The following FAT1 variants were observed in gnomAD, a reference collection of about 807,000 sequenced individuals.
The protein encoded by FAT1 is protocadherin Fat 1.
FAT1 carries 171 observed loss-of-function variants against 329.8 expected under a neutral mutation model. That is an observed-to-expected ratio of 0.52 (90% CI 0.46 to 0.59). The LOEUF is 0.59. Among genes scored for constraint, FAT1 ranks in the 20% least tolerant of loss-of-function variants. The pLI is 0.00. For missense variants in FAT1, 5,672 were observed against 5,774.4 expected (o/e 0.98, Z 0.57); for synonymous variants, 2,233 against 2,228.6 (o/e 1.00, Z -0.06).
chr4:186,594,097 G>A (rs1309174045), intron 26 of FAT1, among the ~76,000 whole-genome samples: 7 of 151,236 alleles, frequency 4.6e-5, no homozygotes, highest in Non-Finnish European at 8.8e-5. Flanking sequence ...ACAGAGTCTC[G>A]CTCTGTCGCC....
chr4:186,594,675 AGTATAT>A (rs1560915873), intron 26 of FAT1, among the ~76,000 whole-genome samples: 1 of 78,228 alleles, frequency 1.3e-5, no homozygotes, highest in Non-Finnish European at 2.4e-5. Flanking sequence ...TATACTTGAA[AGTATAT>A]ATATATATAT....
At chr4:186,684,908 C>T (rs1733831280) in intron 2 of FAT1, among the ~76,000 whole-genome samples, 1 of 152,182 alleles carries the variant, frequency 6.6e-6, no homozygotes, top group Non-Finnish European at 1.5e-5. Context: ...TCGGCAACTC[C>T]TTTTATGCCA....
rs145611942 is a variant in FAT1 at position 186,608,610 on chromosome 4, T to C, written c.10206+573A>G. The stretch of plus-strand genomic sequence containing the variant: ...ACTTCACGAATGCAGAATCTGCAGA[T>C]AGAGGGGAGCAACTGACCTTCCTCA... On this transcript the variant is annotated intron_variant, in intron 16 of 26. Transcript: ENST00000441802. 1.3e-4 allele frequency among the ~76,000 whole-genome samples: 20 copies of C among 152,300 alleles called. No homozygotes were observed. In the East Asian group the frequency reaches 3.7e-3, roughly 28 times the overall value.
At chr4:186,678,761 T>C (rs1276628786) in intron 2 of FAT1, among the ~76,000 whole-genome samples, 1 of 151,958 alleles carries the variant, frequency 6.6e-6, no homozygotes, top group Non-Finnish European at 1.5e-5. Context: ...GTAAATTAGT[T>C]CAACCATTGG....
At chr4:186,615,797 A>C (rs1310921027) in intron 11 of FAT1, among the ~76,000 whole-genome samples, 1 of 152,020 alleles carries the variant, frequency 6.6e-6, no homozygotes, top group Non-Finnish European at 1.5e-5. Flanking sequence ...TATCCTCTCA[A>C]ATGAAGTCAA....
intron 2 of FAT1, among the ~76,000 whole-genome samples, chr4:186,691,721 T>C (rs1743771165): frequency 6.6e-6 from 1 of 152,084 alleles, no homozygotes; most frequent in Admixed American, 6.6e-5. Flanking sequence ...GGTGGGAGGA[T>C]TGCTTGAGCC....
At chr4:186,723,582 G>C (rs1308663021) in intron 1 of FAT1, 82 bp downstream of exon 1, 1 of 152,158 alleles carries the variant, frequency 6.6e-6, no homozygotes, top group South Asian at 2.1e-4. Flanking sequence ...GCCGGGGACC[G>C]GGCGGACACC....
At position 186,597,055 on chromosome 4, in the gene FAT1, C is replaced by A; in HGVS notation, c.12485G>T (p.Cys4162Phe). The A allele has an allele frequency of 6.2e-7, 1 of 1,614,030 alleles. No individual in the cohort carries two copies. ...ATACTGGTTGGGCGCAGCATCCTCG[C>A]AGTGACGTCCCCTGTACTCGTGGCT... ...NCSHEYRGRH[C>F]EDAAPNQYVS... The change falls in exon 25 of 27, where the codon TGC (cysteine) becomes TTC (phenylalanine). Residue 4162 changes from cysteine to phenylalanine, a missense_variant. Transcript: ENST00000441802.
At position 186,601,311 on chromosome 4, in the gene FAT1, C is replaced by A; in HGVS notation, c.11598G>T (p.Ala3866=). The change falls in exon 21 of 27, where the codon GCG becomes GCT. Residue 3866 remains alanine (A), a synonymous_variant. Coordinates refer to ENST00000441802, the MANE Select transcript of FAT1 (RefSeq NM_005245.4). ...CAGTTCCTCGAGCATACATGACAACCGCATGCGTGGAATATGTTCTGAGCC... is the reference window on the plus strand; with the variant it reads ...CAGTTCCTCGAGCATACATGACAACAGCATGCGTGGAATATGTTCTGAGCC... The part of the protein sequence containing the change: ...TMRLRTYSTH[A]VVMYARGTDY... 1 of 1,611,294 alleles carries A rather than the reference C, an allele frequency of 6.2e-7. No individual in the cohort carries two copies. Among genetic ancestry groups the A allele is most frequent in the Non-Finnish European group, 8.5e-7 (1 of 1,177,816 alleles).
Position 186,707,995 on chromosome 4 carries a change from T to G in FAT1, c.1833A>C (p.Glu611Asp). Residue 611 changes from glutamate to aspartate, a missense_variant, in exon 2 of 27, where the codon GAA (glutamate) becomes GAC (aspartate). Around this residue, in one of 2 missense-constraint regions of FAT1, gnomAD observed 3,966 missense variants for 3,915.2 expected, o/e 1.01. Coordinates refer to ENST00000441802, the MANE Select transcript of FAT1 (RefSeq NM_005245.4). Reference protein sequence around the residue: ...LVQYQIEAGNELDFFSLNPNS... With the variant: ...LVQYQIEAGNDLDFFSLNPNS... Reference sequence around the variant, plus strand: ...TGGGGTTTAAACTAAAGAAATCCAGTTCATTTCCAGCTTCAATCTGATACT... The same window carrying G: ...TGGGGTTTAAACTAAAGAAATCCAGGTCATTTCCAGCTTCAATCTGATACT... 6.2e-7 allele frequency: 1 copy of G among 1,613,920 alleles called. No individual in the cohort carries two copies. Among genetic ancestry groups the G allele is most frequent in the Non-Finnish European group, 8.5e-7 (1 of 1,179,874 alleles).
At chr4:186,601,143 T>G in intron 21 of FAT1, 126 bp downstream of exon 21, 2 of 873,386 alleles carry the variant, frequency 2.3e-6, no homozygotes, top group Non-Finnish European at 1.7e-6. Context: ...ATCAATGAAT[T>G]ATTTAAATGT....
intron 26 of FAT1, among the ~76,000 whole-genome samples, chr4:186,594,680 A>ATATATATATATATATATATACTTGAAAG (rs1560915930): frequency 1.0e-5 from 1 of 95,406 alleles, no homozygotes; most frequent in African/African-American, 3.7e-5. Flanking sequence ...TTGAAAGTAT[A>ATATATATATATATATATATACTTGAAAG]TATATATATA....
rs769703872 is a variant in FAT1, at chr4:186,602,916, A to C, written c.11469T>G (p.Phe3823Leu). 13 of 1,613,846 alleles carry C rather than the reference A, an allele frequency of 8.1e-6. 1 individual carries two copies. Among genetic ancestry groups the C allele is most frequent in the East Asian group, 2.2e-5 (1 of 44,900 alleles). The change falls in exon 20 of 27, where the codon TTT becomes TTG. Residue 3823 changes from phenylalanine (F) to leucine (L), a missense_variant. Coordinates refer to ENST00000441802, the MANE Select transcript of FAT1 (RefSeq NM_005245.4). ...TTCAACTCTCACCTGGGCACTGACC[A>C]AACCTGCCGCTGGGACAGACACAGG... ...KHTCVCPSGR[F>L]GQCPGSSSMT...
chr4:186,635,747 C>A (rs1740789968), intron 6 of FAT1, among the ~76,000 whole-genome samples: 1 of 152,168 alleles, frequency 6.6e-6, no homozygotes, highest in African/African-American at 2.4e-5. Context: ...CCAAAACATT[C>A]AAGGCTTTTG....
chr4:186,642,136 T>C (rs1741127688), intron 3 of FAT1, among the ~76,000 whole-genome samples: 1 of 152,212 alleles, frequency 6.6e-6, no homozygotes, highest in Admixed American at 6.5e-5. Context: ...GAGCTTTAAT[T>C]TCATCCCAAT....
At chr4:186,717,220 C>T (rs1745252974) in intron 1 of FAT1, among the ~76,000 whole-genome samples, 1 of 152,038 alleles carries the variant, frequency 6.6e-6, no homozygotes, top group Non-Finnish European at 1.5e-5. Flanking sequence ...TAAAAGCTTT[C>T]ATCCTTACAC....
intron 2 of FAT1, among the ~76,000 whole-genome samples, chr4:186,695,449 A>G (rs1286949377): frequency 1.3e-5 from 2 of 152,204 alleles, no homozygotes; most frequent in East Asian, 1.9e-4. Context: ...TTTGGAAGGT[A>G]TGGGAGACAG....
At position 186,636,625 on chromosome 4, in the gene FAT1, G is replaced by A. The variant is rs762291797; in HGVS notation, c.3932C>T (p.Ser1311Phe). 2.1e-5 allele frequency: 34 copies of A among 1,613,594 alleles called. No homozygotes were observed. The highest frequency in any genetic ancestry group is 2.0e-4 in the Admixed American group (12 of 59,970). Residue 1311 changes from serine (S) to phenylalanine (F), a missense_variant, in exon 5 of 27, where the codon TCC becomes TTC. Transcript: ENST00000441802. ...FIEPKTGVVS[S>F]KRFSAAGEYD... ...TTCTCCAGCTGCTGAAAACCTCTTG[G>A]ACGAAACCACTCCAGTTTTCGGTTC...
intron 26 of FAT1, 41 bp from the exon 27 acceptor site, chr4:186,589,261 A>C (rs373131284): frequency 1.3e-6 from 2 of 1,553,034 alleles, no homozygotes; most frequent in African/African-American, 1.4e-5. Context: ...GTTTTCTCCT[A>C]AGCTTTTGTG....
Sources: gnomAD v4.1 joint callset for allele counts (sites outside exome capture counted in the v4.1 genomes callset) on GRCh38, gnomAD v4.1.1 for gene constraint, gnomAD v4.1.1 regional missense constraint, MANE v1.5 for transcripts, NCBI Gene and HGNC (gene_info 2026-07-23, HGNC 2026-07-21) for gene names.